Variants in GINM1 observed in about 807,000 individuals in gnomAD.
The protein encoded by GINM1 is glycoprotein integral membrane protein 1.
In GINM1, 29 loss-of-function variants were observed where a neutral mutation model predicts 37.8. The ratio of observed to expected loss-of-function variants is 0.77; its 90% CI spans 0.57 to 1.05. The LOEUF (loss-of-function observed/expected upper bound fraction) is 1.05, where lower values mean the gene tolerates loss of function less well. GINM1 is among the 50% of genes least tolerant of loss of function. The pLI is 0.00. For missense variants in GINM1, 377 were observed against 397.9 expected (o/e 0.95, Z 0.45); for synonymous variants, 143 against 146.2 (o/e 0.98, Z 0.16).
intron 7 of GINM1, among the ~76,000 whole-genome samples, chr6:149,587,634 G>C (rs1040656425): frequency 1.3e-5 from 2 of 152,144 alleles, no homozygotes; most frequent in Admixed American, 1.3e-4. Context: ...GAGCTTCCCT[G>C]CCCTCCCTAG....
chr6:149,569,984 C>G (rs1047534132), intron 1 of GINM1, among the ~76,000 whole-genome samples: 4 of 151,424 alleles, frequency 2.6e-5, no homozygotes, highest in African/African-American at 9.7e-5. Context: ...AACTCCTGGC[C>G]AGGGGGCAGT....
intron 7 of GINM1, among the ~76,000 whole-genome samples, chr6:149,586,291 G>A (rs970944585): frequency 6.6e-6 from 1 of 152,172 alleles, no homozygotes; most frequent in African/African-American, 2.4e-5. Context: ...AAGAGGAACA[G>A]CAGGGGGGTG....
chr6:149,579,367 G>A (rs1158150516), intron 4 of GINM1, among the ~76,000 whole-genome samples: 1 of 152,188 alleles, frequency 6.6e-6, no homozygotes, highest in Non-Finnish European at 1.5e-5. Context: ...TGCAAGTTAA[G>A]TGCCCCAAAG....
chr6:149,571,240 G>A (rs753221437), intron 1 of GINM1, among the ~76,000 whole-genome samples: 11 of 151,642 alleles, frequency 7.3e-5, no homozygotes, highest in Non-Finnish European at 1.2e-4. Context: ...ACTTGAACCC[G>A]GGAGGCGGAG....
In GINM1 at chr6:149,566,439, C is replaced by T; in HGVS notation, c.25C>T (p.Leu9Phe). MEGAPPGS[L>F]ALRLLLFVAL... ...GATGGAGGGCGCTCCACCGGGGTCG[C>T]TCGCCCTCCGGCTCCTGCTGTTCGT... Residue 9 changes from leucine (L) to phenylalanine (F), a missense_variant, in exon 1 of 8, where the codon CTC becomes TTC. Leu to Phe is a conservative substitution (Grantham distance 22). Coordinates refer to ENST00000367419, the MANE Select transcript of GINM1 (RefSeq NM_138785.5). The surrounding 1 kb of genome is among the most constrained non-coding windows in gnomAD (Gnocchi z 4.4). 6.4e-7 allele frequency: 1 copy of T among 1,572,578 alleles called. No individual in the cohort carries two copies. Among genetic ancestry groups the T allele is most frequent in the Non-Finnish European group, 8.5e-7 (1 of 1,170,040 alleles).
At chr6:149,588,708 C>A (rs769285907) in intron 7 of GINM1, among the ~76,000 whole-genome samples, 5 of 152,086 alleles carry the variant, frequency 3.3e-5, no homozygotes, top group Non-Finnish European at 7.4e-5. Context: ...CCCACTGCAG[C>A]CTTGACCCTC....
At chr6:149,590,605 A>G in intron 7 of GINM1, 122 bp from the exon 8 acceptor site, 1 of 574,662 alleles carries the variant, frequency 1.7e-6, no homozygotes, top group Non-Finnish European at 3.1e-6. Context: ...TTTAAATAGA[A>G]TGTAGCAAAA....
At chr6:149,571,525 ATAAAAC>A (rs1375456166) in intron 1 of GINM1, among the ~76,000 whole-genome samples, 2 of 152,120 alleles carry the variant, frequency 1.3e-5, no homozygotes, top group African/African-American at 4.8e-5. Context: ...TCAGAAACAG[ATAAAAC>A]TAAGCAACAT....
chr6:149,583,326 G>T (rs56859590), intron 7 of GINM1, among the ~76,000 whole-genome samples: 4,089 of 152,182 alleles, frequency 0.027, 164 homozygotes, highest in African/African-American at 0.093. Flanking sequence ...AGCCAGCCGT[G>T]GTGGCAGGCG....
At chr6:149,584,062 G>T (rs1252150663) in intron 7 of GINM1, among the ~76,000 whole-genome samples, 9 of 151,816 alleles carry the variant, frequency 5.9e-5, no homozygotes, top group South Asian at 2.1e-4. Flanking sequence ...TGCAACCTCC[G>T]CCTCCTGGGT....
chr6:149,588,619 TTTTG>T lies in GINM1; in HGVS notation c.882-2100_882-2097del, dbSNP rs537304334. The stretch of plus-strand genomic sequence containing the variant: ...TCCTATCTTAAAATTATGGGGCTTT[TTTTG>T]TTTGTTTTTTGTTTTTTAAAGACAG... On this transcript the variant is annotated intron_variant, in intron 7 of 7. Coordinates refer to ENST00000367419, the MANE Select transcript of GINM1 (RefSeq NM_138785.5). Among the ~76,000 whole-genome samples, 245 of 152,244 alleles carry T rather than the reference TTTTG, an allele frequency of 1.6e-3. 1 individual carries two copies. Among genetic ancestry groups the T allele is most frequent in the African/African-American group, 5.4e-3 (226 of 41,554 alleles).
chr6:149,578,938 A>C lies in GINM1; in HGVS notation c.394A>C (p.Ile132Leu). 6.2e-7 allele frequency: 1 copy of C among 1,605,060 alleles called. No individual in the cohort carries two copies. Among genetic ancestry groups the C allele is most frequent in the Non-Finnish European group, 8.5e-7 (1 of 1,172,524 alleles). The change falls in exon 4 of 8, where the codon ATT becomes CTT. Residue 132 changes from isoleucine to leucine, a missense_variant. Physicochemically the swap from Ile to Leu is conservative, Grantham distance 5 (BLOSUM62 2). Coordinates refer to ENST00000367419, the MANE Select transcript of GINM1 (RefSeq NM_138785.5). Reference protein sequence around the residue: ...TSGSSLQLIVIQEEVVEIDGK... With the variant: ...TSGSSLQLIVLQEEVVEIDGK... ...TGGTTCCAGTTTGCAACTAATTGTC[A>C]TTCAAGAAGAGGTAGTAGAGATTGA...
intron 6 of GINM1, chr6:149,582,232 G>A: frequency 3.3e-6 from 2 of 600,026 alleles, no homozygotes; most frequent in Non-Finnish European, 6.1e-6. Flanking sequence ...TTTTAAAGTT[G>A]TAAGTAACTT....
At chr6:149,590,330 C>T (rs147835533) in intron 7 of GINM1, among the ~76,000 whole-genome samples, 112 of 152,268 alleles carry the variant, frequency 7.4e-4, no homozygotes, top group African/African-American at 2.1e-3. Flanking sequence ...ACTCTCTGGT[C>T]AGGGATTTTA....
At position 149,566,545 on chromosome 6, in the gene GINM1, G is replaced by A; in HGVS notation, c.120+11G>A. ...TCCGGAGCCCCACAGGTAGGGCAGG[G>A]CGGGCCTGGCTGGCCGCTTTACGAC... is the stretch of plus-strand genomic sequence containing the variant. On this transcript the variant is annotated intron_variant, in intron 1 of 7. Transcript: ENST00000367419. The surrounding 1 kb of genome is among the most constrained non-coding windows in gnomAD (Gnocchi z 4.4). 6.7e-7 allele frequency: 1 copy of A among 1,500,008 alleles called. No homozygotes were observed. The highest frequency in any genetic ancestry group is 8.9e-7 in the Non-Finnish European group (1 of 1,129,726). 92.9% of individuals were successfully genotyped at this position (1,500,008 alleles called of 1,614,324 possible).
At chr6:149,567,431 G>A (rs1339632220) in intron 1 of GINM1, among the ~76,000 whole-genome samples, 2 of 152,078 alleles carry the variant, frequency 1.3e-5, no homozygotes, top group African/African-American at 4.8e-5. Flanking sequence ...AAGGCGAAGG[G>A]CACGGTAAGT....
intron 3 of GINM1, among the ~76,000 whole-genome samples, chr6:149,576,484 C>T (rs1281209386): frequency 6.6e-6 from 1 of 152,156 alleles, no homozygotes; most frequent in Non-Finnish European, 1.5e-5. Flanking sequence ...TGTGCATTGG[C>T]TCATGCCTGT....
chr6:149,576,043 A>G (rs1777909679), intron 3 of GINM1: 1 of 152,228 alleles, frequency 6.6e-6, no homozygotes, highest in Admixed American at 6.5e-5. Flanking sequence ...AGTTTAACCC[A>G]GAAATCAGTG....
intron 7 of GINM1, among the ~76,000 whole-genome samples, chr6:149,585,389 C>T (rs541618318): frequency 6.6e-6 from 1 of 152,152 alleles, no homozygotes; most frequent in South Asian, 2.1e-4. Flanking sequence ...AATCCAAATT[C>T]TATGTATTAA....
Sources: gnomAD v4.1 joint callset for allele counts (sites outside exome capture counted in the v4.1 genomes callset) on GRCh38, gnomAD v4.1.1 for gene constraint, Gnocchi (gnomAD v3.1) non-coding constraint, MANE v1.5 for transcripts, NCBI Gene and HGNC (gene_info 2026-07-23, HGNC 2026-07-21) for gene names.